The following IGDCC3 variants were observed in gnomAD, a reference collection of about 807,000 sequenced individuals.
The protein encoded by IGDCC3 is immunoglobulin superfamily DCC subclass member 3.
IGDCC3 carries 47 observed loss-of-function variants against 72.0 expected under a neutral mutation model. The ratio of observed to expected loss-of-function variants is 0.65; its 90% CI spans 0.52 to 0.83. IGDCC3 has a LOEUF of 0.83. Ranked by LOEUF, IGDCC3 falls within the 40% of genes least tolerant of loss-of-function variation. The pLI, the probability that IGDCC3 is intolerant of heterozygous loss-of-function variation, is 0.00. For synonymous variants in IGDCC3, 477 were observed against 472.8 expected (o/e 1.01, Z -0.11); for missense variants, 1,038 against 1,091.3 (o/e 0.95, Z 0.69).
rs1179619855 is a variant in IGDCC3 at position 65,356,848 on chromosome 15, C to T, written c.409+18249G>A. 1.8e-3 allele frequency among the ~76,000 whole-genome samples: 129 copies of T among 70,846 alleles called. 1 individual carries two copies. Among genetic ancestry groups the T allele is most frequent in the African/African-American group, 2.8e-3 (42 of 15,026 alleles). 46.5% of individuals were successfully genotyped at this position (70,846 alleles called of 152,430 possible). ...GATGTGAGATTTGAGAATGGACCTG[C>T]TTTTTTTTTTTTTTTTTTTGAGATG... is the stretch of plus-strand genomic sequence containing the variant. On this transcript the variant is annotated intron_variant, in intron 2 of 13. Transcript: ENST00000327987.
At chr15:65,367,512 A>G (rs1433035565) in intron 2 of IGDCC3, among the ~76,000 whole-genome samples, 1 of 151,846 alleles carries the variant, frequency 6.6e-6, no homozygotes, top group East Asian at 1.9e-4. Context: ...ATGTACCCTA[A>G]AACTTAAAAG....
intron 1 of IGDCC3, among the ~76,000 whole-genome samples, chr15:65,375,757 A>C (rs6494519): frequency 0.14 from 21,621 of 152,164 alleles, 1,713 homozygotes; most frequent in African/African-American, 0.2. Context: ...TCCAATACAG[A>C]TGCTGCTACT....
chr15:65,335,160 A>G, intron 4 of IGDCC3, 131 bp downstream of exon 4: 1 of 1,037,002 alleles, frequency 9.6e-7, no homozygotes. Context: ...GCCAGGCAGC[A>G]CAGAGCCCGG....
intron 2 of IGDCC3, among the ~76,000 whole-genome samples, chr15:65,354,879 T>C (rs1201619723): frequency 1.3e-5 from 2 of 152,226 alleles, no homozygotes; most frequent in Admixed American, 6.5e-5. Flanking sequence ...CAGATCATAA[T>C]AACCTAGGGT....
In IGDCC3 at chr15:65,329,938, C is replaced by A. The variant is rs1286746916; in HGVS notation, c.1859-74G>T. ...CTCCCAAACACCCAGCCTCTGGGGA[C>A]TCCTCTTCCTTCAGCTGCTCCCACT... On this transcript the variant is annotated intron_variant, in intron 11 of 13. Coordinates refer to ENST00000327987, the MANE Select transcript of IGDCC3 (RefSeq NM_004884.4). This position sits in a 1 kb window ranked among gnomAD's most constrained non-coding sequence, Gnocchi z 4.1. The A allele has an allele frequency of 1.3e-6, 2 of 1,525,850 alleles. No individual in the cohort carries two copies. The highest frequency in any genetic ancestry group is 1.8e-6 in the Non-Finnish European group (2 of 1,107,174). The allele number at this position is 1,525,850 out of a possible 1,614,324, so 94.5% of individuals were successfully genotyped here.
intron 2 of IGDCC3, among the ~76,000 whole-genome samples, chr15:65,361,703 C>G (rs917448609): frequency 1.3e-4 from 6 of 44,736 alleles, no homozygotes; most frequent in African/African-American, 9.2e-4. Flanking sequence ...CACTCGCACA[C>G]TCATTCACAT....
intron 2 of IGDCC3, among the ~76,000 whole-genome samples, chr15:65,358,571 T>C (rs1247172909): frequency 6.6e-6 from 1 of 152,236 alleles, no homozygotes; most frequent in East Asian, 1.9e-4. Flanking sequence ...AATCCTCAGA[T>C]AAATTATATT....
intron 2 of IGDCC3, among the ~76,000 whole-genome samples, chr15:65,340,662 C>G (rs564483727): frequency 1.1e-3 from 165 of 152,312 alleles, no homozygotes; most frequent in Non-Finnish European, 2.0e-3. Context: ...AGACACATAC[C>G]TGAATCCCAT....
chr15:65,329,063 G>A lies in IGDCC3; in HGVS notation c.2291C>T (p.Thr764Met), dbSNP rs1480735929. 11 of 1,611,588 alleles carry A rather than the reference G, an allele frequency of 6.8e-6. No homozygotes were observed. The highest frequency in any genetic ancestry group is 6.7e-5 in the East Asian group (3 of 44,834). Reference sequence around the variant, plus strand: ...GGCCTCTGTGGTCTTCGCCTCCGTCGTCTTCCCCTCCATCAGGCCGCACCC... The same window carrying A: ...GGCCTCTGTGGTCTTCGCCTCCGTCATCTTCCCCTCCATCAGGCCGCACCC... ...LQGCGLMEGK[T>M]TEAKTTEATA... Residue 764 changes from threonine to methionine, a missense_variant, in exon 14 of 14, where the codon ACG becomes ATG. Physicochemically the swap from Thr to Met is moderately conservative, Grantham distance 81. Transcript: ENST00000327987. The surrounding 1 kb of genome is among the most constrained non-coding windows in gnomAD (Gnocchi z 4.1).
At chr15:65,357,996 T>TC (rs1209687504) in intron 2 of IGDCC3, among the ~76,000 whole-genome samples, 1 of 151,934 alleles carries the variant, frequency 6.6e-6, no homozygotes, top group African/African-American at 2.4e-5. Context: ...ACCTCCCTTT[T>TC]CCCCTCCACC....
intron 2 of IGDCC3, among the ~76,000 whole-genome samples, chr15:65,350,602 C>A (rs1199218417): frequency 6.6e-6 from 1 of 151,992 alleles, no homozygotes; most frequent in Non-Finnish European, 1.5e-5. Flanking sequence ...GCTGGGATTA[C>A]AGGTGCGTGC....
rs2090953290 is a variant in IGDCC3, at chr15:65,329,288, G to A, written c.2205+102C>T. 1.4e-6 allele frequency: 2 copies of A among 1,477,460 alleles called. No individual in the cohort carries two copies. The highest frequency in any genetic ancestry group is 9.1e-7 in the Non-Finnish European group (1 of 1,097,554). 91.5% of individuals were successfully genotyped at this position (1,477,460 alleles called of 1,614,324 possible). A position where few individuals can be genotyped will look rare whatever the true frequency, so the allele number is the denominator to read the frequency against. Reference sequence around the variant, plus strand: ...AAGAGAAGACCTGCAGTTTGACTAAGGCCAATGATCGAGGCCCGTGGCCAA... The same window carrying A: ...AAGAGAAGACCTGCAGTTTGACTAAAGCCAATGATCGAGGCCCGTGGCCAA... On this transcript the variant is annotated intron_variant, in intron 13 of 13. Coordinates refer to ENST00000327987, the MANE Select transcript of IGDCC3 (RefSeq NM_004884.4). This position sits in a 1 kb window ranked among gnomAD's most constrained non-coding sequence, Gnocchi z 4.1.
chr15:65,371,220 C>A (rs2091324235), intron 2 of IGDCC3, among the ~76,000 whole-genome samples: 1 of 152,246 alleles, frequency 6.6e-6, no homozygotes, highest in Non-Finnish European at 1.5e-5. Context: ...ACATGCCAAG[C>A]CCTGTGCCAG....
intron 2 of IGDCC3, among the ~76,000 whole-genome samples, chr15:65,361,756 G>A (rs1474066243): frequency 6.6e-6 from 1 of 152,198 alleles, no homozygotes; most frequent in Non-Finnish European, 1.5e-5. Flanking sequence ...CTTGACAGCC[G>A]AGCAACCATG....
At chr15:65,367,731 A>G (rs1307457010) in intron 2 of IGDCC3, among the ~76,000 whole-genome samples, 2 of 151,936 alleles carry the variant, frequency 1.3e-5, no homozygotes, top group East Asian at 3.9e-4. Context: ...TAATAAAATT[A>G]TCTATCACCT....
Position 65,339,555 on chromosome 15 carries a change from C to T in IGDCC3, c.410-3599G>A, listed in dbSNP as rs1309115443. On this transcript the variant is annotated intron_variant, in intron 2 of 13. Coordinates refer to ENST00000327987, the MANE Select transcript of IGDCC3 (RefSeq NM_004884.4). This position sits in a 1 kb window ranked among gnomAD's most constrained non-coding sequence, Gnocchi z 4.1. ...GTGTTTATGCCCTGGCTTGTGCCAG[C>T]AGGCCACAGAGCCGGGTGGACTGTC... Among the ~76,000 whole-genome samples, 1 of 152,238 alleles carries T rather than the reference C, an allele frequency of 6.6e-6. No homozygotes were observed. Among genetic ancestry groups the T allele is most frequent in the Non-Finnish European group, 1.5e-5 (1 of 68,044 alleles).
chr15:65,348,272 T>C (rs1463877170), intron 2 of IGDCC3, among the ~76,000 whole-genome samples: 1 of 152,272 alleles, frequency 6.6e-6, no homozygotes, highest in Non-Finnish European at 1.5e-5. Flanking sequence ...ACTTTTTTAA[T>C]AAACTTGCTT....
chr15:65,365,193 C>T (rs1003786078), intron 2 of IGDCC3, among the ~76,000 whole-genome samples: 3 of 152,008 alleles, frequency 2.0e-5, no homozygotes, highest in African/African-American at 7.2e-5. Context: ...CCCTAAGGAC[C>T]TAAGGGGGTT....
At chr15:65,330,015 A>C in intron 11 of IGDCC3, 151 bp from the exon 12 acceptor site, 3 of 801,608 alleles carry the variant, frequency 3.7e-6, no homozygotes, top group Non-Finnish European at 5.9e-6. Context: ...ACTCCAGACC[A>C]ATCTTTTTGG....
Sources: gnomAD v4.1 joint callset for allele counts (sites outside exome capture counted in the v4.1 genomes callset) on GRCh38, gnomAD v4.1.1 for gene constraint, Gnocchi (gnomAD v3.1) non-coding constraint, MANE v1.5 for transcripts, NCBI Gene and HGNC (gene_info 2026-07-23, HGNC 2026-07-21) for gene names.